ADCY2: variants seen among roughly 807,000 people sequenced by gnomAD.
ADCY2 encodes the protein adenylate cyclase type 2.
ADCY2 carries 31 observed loss-of-function variants against 125.2 expected under a neutral mutation model. That is an observed-to-expected ratio of 0.25 (90% CI 0.19 to 0.33). ADCY2 has a LOEUF of 0.33. Ranked by LOEUF, ADCY2 falls within the 10% of genes least tolerant of loss-of-function variation. The pLI is 1.00. For synonymous variants in ADCY2, 512 were observed against 548.4 expected, an observed-to-expected ratio of 0.93 and a Z score of 0.93; for missense variants, 904 against 1,418.2, an observed-to-expected ratio of 0.64 and a Z score of 5.82.
In ADCY2 at chr5:7,589,458, AAAAGAAAGAAAGAAAG is replaced by A. The variant is rs369587426; in HGVS notation, c.571-36669_571-36654del. Among the ~76,000 whole-genome samples, 338 of 73,010 alleles carry A rather than the reference AAAAGAAAGAAAGAAAG, an allele frequency of 4.6e-3. 5 individuals are homozygous for A. Among genetic ancestry groups the A allele is most frequent in the African/African-American group, 0.014 (268 of 19,678 alleles). 47.9% of individuals were successfully genotyped at this position (73,010 alleles called of 152,430 possible). A position where few individuals can be genotyped will look rare whatever the true frequency, so the allele number is the denominator to read the frequency against. On this transcript the variant is annotated intron_variant, in intron 3 of 24. Coordinates refer to ENST00000338316, the MANE Select transcript of ADCY2 (RefSeq NM_020546.3). ...ATAGAAAGAAAGAAAGAAGGAAAGA[AAAAGAAAGAAAGAAAG>A]AAAGAAAGAAAGAAAGAAAGAAAGA...
intron 2 of ADCY2, among the ~76,000 whole-genome samples, chr5:7,455,821 TATA>T (rs1242032363): frequency 2.1e-5 from 3 of 145,730 alleles, no homozygotes; most frequent in African/African-American, 7.4e-5. Flanking sequence ...TATATTTAAT[TATA>T]ATGGCATACT....
chr5:7,629,139 C>T (rs1738232306), intron 4 of ADCY2, among the ~76,000 whole-genome samples: 1 of 152,228 alleles, frequency 6.6e-6, no homozygotes, highest in Admixed American at 6.5e-5. Flanking sequence ...AAATAAATAG[C>T]ATCCAATTTA....
rs115212452 is a variant in ADCY2, at chr5:7,740,125, G to A, written c.1872-3543G>A. Reference sequence around the variant, plus strand: ...TACACCACGTGTAGGAGATCTAGCCGAAATAAAATGAGAAAGGTTGGAAAT... The same window carrying A: ...TACACCACGTGTAGGAGATCTAGCCAAAATAAAATGAGAAAGGTTGGAAAT... On this transcript the variant is annotated intron_variant, in intron 14 of 24. Transcript: ENST00000338316. Among the ~76,000 whole-genome samples, 1,047 of 151,934 alleles carry A rather than the reference G, an allele frequency of 6.9e-3. 5 individuals are homozygous for A. The highest frequency in any genetic ancestry group is 0.011 in the Non-Finnish European group (732 of 67,826).
intron 3 of ADCY2, among the ~76,000 whole-genome samples, chr5:7,594,436 G>A (rs1736942946): frequency 6.6e-6 from 1 of 152,216 alleles, no homozygotes; most frequent in African/African-American, 2.4e-5. Flanking sequence ...AGGAAGTTGA[G>A]AAGCTCAAAT....
chr5:7,399,714 G>A (rs1007572658), intron 1 of ADCY2, among the ~76,000 whole-genome samples: 3 of 152,164 alleles, frequency 2.0e-5, no homozygotes, highest in Non-Finnish European at 2.9e-5. Context: ...ATGAGTAATA[G>A]TTTCTGCTGT....
intron 1 of ADCY2, among the ~76,000 whole-genome samples, chr5:7,399,791 T>G (rs1739195047): frequency 6.6e-6 from 1 of 152,230 alleles, no homozygotes; most frequent in South Asian, 2.1e-4. Context: ...GTTGAGTGCC[T>G]ACCAAGTGCC....
chr5:7,581,591 G>A (rs1373485001), intron 3 of ADCY2, among the ~76,000 whole-genome samples: 2 of 152,018 alleles, frequency 1.3e-5, no homozygotes, highest in African/African-American at 2.4e-5. Flanking sequence ...GGGCCGAAGT[G>A]GGCAGATCAC....
At chr5:7,657,963 T>A (rs560900485) in intron 4 of ADCY2, 2 of 152,412 alleles carry the variant, frequency 1.3e-5, no homozygotes, top group Admixed American at 6.5e-5. Flanking sequence ...GAGGGACCAT[T>A]CATTGGAAAT....
At chr5:7,661,994 G>T (rs913029773) in intron 4 of ADCY2, among the ~76,000 whole-genome samples, 4 of 151,944 alleles carry the variant, frequency 2.6e-5, no homozygotes, top group Non-Finnish European at 5.9e-5. Context: ...ATTTTATTTT[G>T]AAAGCAAAGT....
At chr5:7,691,356 C>T (rs565327609) in intron 5 of ADCY2, 2 of 152,386 alleles carry the variant, frequency 1.3e-5, no homozygotes, top group South Asian at 4.1e-4. Flanking sequence ...TGATGTGCAC[C>T]TTAGCTAATT....
chr5:7,810,054 C>T (rs1744883879), intron 22 of ADCY2, among the ~76,000 whole-genome samples: 1 of 152,218 alleles, frequency 6.6e-6, no homozygotes, highest in Admixed American at 6.5e-5. Context: ...CAAGACCTCA[C>T]TCTCTTCTAA....
intron 3 of ADCY2, among the ~76,000 whole-genome samples, chr5:7,560,755 G>A (rs1021123836): frequency 5.5e-4 from 83 of 151,916 alleles, no homozygotes; most frequent in Middle Eastern, 6.8e-3. Flanking sequence ...GTGGTGCCAT[G>A]TCAGCTCACT....
At position 7,707,687 on chromosome 5, in the gene ADCY2, T is replaced by C; in HGVS notation, c.1269-19T>C. On this transcript the variant is annotated intron_variant, in intron 8 of 24. Coordinates refer to ENST00000338316, the MANE Select transcript of ADCY2 (RefSeq NM_020546.3). ...TTATCCTTTTATGTCTTGACTGTGA[T>C]TTTAAAATGCAATTTCAGACGTGTT... 1 of 1,612,110 alleles carries C rather than the reference T, an allele frequency of 6.2e-7. No individual in the cohort carries two copies. The highest frequency in any genetic ancestry group is 1.1e-5 in the South Asian group (1 of 90,420).
intron 2 of ADCY2, among the ~76,000 whole-genome samples, chr5:7,492,798 G>A (rs1007180086): frequency 6.6e-6 from 1 of 152,056 alleles, no homozygotes; most frequent in Non-Finnish European, 1.5e-5. Flanking sequence ...AGTAATGAAG[G>A]GTAAATAGAA....
chr5:7,765,156 G>T (rs1053118341), intron 16 of ADCY2, among the ~76,000 whole-genome samples: 1 of 152,078 alleles, frequency 6.6e-6, no homozygotes, highest in Non-Finnish European at 1.5e-5. Flanking sequence ...ATTTTACCTA[G>T]TTTTTTGCCT....
chr5:7,681,759 T>C (rs1740347386), intron 4 of ADCY2, among the ~76,000 whole-genome samples: 1 of 151,750 alleles, frequency 6.6e-6, no homozygotes, highest in Non-Finnish European at 1.5e-5. Flanking sequence ...TGCTTTGGGG[T>C]TCAAATCTCT....
At chr5:7,530,463 T>C (rs1261615528) in intron 3 of ADCY2, among the ~76,000 whole-genome samples, 5 of 152,098 alleles carry the variant, frequency 3.3e-5, no homozygotes, top group African/African-American at 9.7e-5. Flanking sequence ...CACTGCAGTC[T>C]TGAACTCCTG....
chr5:7,791,414 G>T (rs2126507171), intron 20 of ADCY2, among the ~76,000 whole-genome samples: 1 of 152,298 alleles, frequency 6.6e-6, no homozygotes, highest in Middle Eastern at 3.4e-3. Flanking sequence ...CCTTGGAACA[G>T]TATTTTTCTG....
intron 20 of ADCY2, chr5:7,795,775 A>G (rs1411797423): frequency 1.3e-5 from 2 of 152,224 alleles, no homozygotes; most frequent in African/African-American, 2.4e-5. Context: ...ATCACTATCA[A>G]GCGAGTCACA....
Sources: gnomAD v4.1 joint callset for allele counts (sites outside exome capture counted in the v4.1 genomes callset) on GRCh38, gnomAD v4.1.1 for gene constraint, MANE v1.5 for transcripts, NCBI Gene and HGNC (gene_info 2026-07-23, HGNC 2026-07-21) for gene names.